GPSM2: variants seen among roughly 807,000 people sequenced by gnomAD.
GPSM2 encodes the protein G protein signaling modulator 2.
In GPSM2, 58 loss-of-function variants were observed where a neutral mutation model predicts 78.4. That is an observed-to-expected ratio of 0.74 (90% CI 0.60 to 0.92). GPSM2 has a LOEUF of 0.92. Among genes scored for constraint, GPSM2 ranks in the 40% least tolerant of loss-of-function variants. GPSM2 has a pLI of 0.00. For synonymous variants in GPSM2, 224 were observed against 280.2 expected, an observed-to-expected ratio of 0.80 and a Z score of 2.00; for missense variants, 700 against 815.5, an observed-to-expected ratio of 0.86 and a Z score of 1.73.
At chr1:108,918,289 C>T (rs529093788) in intron 11 of GPSM2, among the ~76,000 whole-genome samples, 7 of 152,224 alleles carry the variant, frequency 4.6e-5, no homozygotes, top group South Asian at 2.1e-4. Flanking sequence ...AAGTAACTCA[C>T]GTCTAGAGTA....
intron 9 of GPSM2, 74 bp from the exon 10 acceptor site, chr1:108,904,051 A>G (rs1557866255): frequency 2.0e-6 from 2 of 996,876 alleles, no homozygotes; most frequent in African/African-American, 3.2e-5. Context: ...TTTTAGGTTC[A>G]CTACATTTAC....
At chr1:108,880,666 T>A (rs1482590783) in intron 1 of GPSM2, among the ~76,000 whole-genome samples, 1 of 152,214 alleles carries the variant, frequency 6.6e-6, no homozygotes. Flanking sequence ...ATGTATTAAT[T>A]GATTGAAGCT....
Position 108,914,529 on chromosome 1 carries a change from C to T in GPSM2, c.1263+121C>T, listed in dbSNP as rs11102642. On this transcript the variant is annotated intron_variant, in intron 11 of 14. Coordinates refer to ENST00000264126, the MANE Select transcript of GPSM2 (RefSeq NM_013296.5). ...TATATAGGTATCACTTTAAAATTTG[C>T]CTGTAAAAAAAAAGTCAGAAAAAGT... is the stretch of plus-strand genomic sequence containing the variant. 0.23 allele frequency: 165,645 copies of T among 725,434 alleles called. 20,923 individuals carry two copies. Among genetic ancestry groups the T allele is most frequent in the East Asian group, 0.37 (13,154 of 35,678 alleles). 44.9% of individuals were successfully genotyped at this position (725,434 alleles called of 1,614,324 possible).
intron 14 of GPSM2, 169 bp from the exon 15 acceptor site, chr1:108,929,531 AG>A (rs1651520589): frequency 3.0e-6 from 2 of 658,638 alleles, no homozygotes; most frequent in Non-Finnish European, 5.3e-6. Context: ...TATTTCTTTC[AG>A]AAATCAGGCT....
intron 13 of GPSM2, among the ~76,000 whole-genome samples, 176 bp downstream of exon 13, chr1:108,922,752 A>G (rs1443868376): frequency 2.6e-5 from 4 of 152,100 alleles, no homozygotes; most frequent in Admixed American, 6.6e-5. Flanking sequence ...TCCCTTACGT[A>G]TATCTGTGTT....
chr1:108,904,435 A>C (rs910895530), intron 10 of GPSM2, among the ~76,000 whole-genome samples, 181 bp downstream of exon 10: 1 of 148,142 alleles, frequency 6.8e-6, no homozygotes, highest in African/African-American at 2.4e-5. Flanking sequence ...TTTTGTATAT[A>C]ATATATATAT....
chr1:108,913,122 C>G (rs926919789), intron 10 of GPSM2, among the ~76,000 whole-genome samples: 3 of 152,104 alleles, frequency 2.0e-5, no homozygotes, highest in Admixed American at 6.6e-5. Flanking sequence ...CCCTGAAGTA[C>G]AATCCAGCAA....
chr1:108,886,701 G>T (rs1426026396), intron 2 of GPSM2, among the ~76,000 whole-genome samples: 1 of 152,158 alleles, frequency 6.6e-6, no homozygotes, highest in African/African-American at 2.4e-5. Flanking sequence ...TGTTGGTGGG[G>T]GTGGATGCTT....
intron 1 of GPSM2, among the ~76,000 whole-genome samples, chr1:108,878,168 C>CA (rs1183572143): frequency 1.3e-5 from 2 of 152,122 alleles, no homozygotes; most frequent in Non-Finnish European, 2.9e-5. Context: ...ATTGGGTTCT[C>CA]ACTATTCAGG....
At chr1:108,908,685 G>A (rs192938946) in intron 10 of GPSM2, among the ~76,000 whole-genome samples, 4 of 119,718 alleles carry the variant, frequency 3.3e-5, no homozygotes, top group Admixed American at 7.6e-5. Flanking sequence ...ACACGTGCGC[G>A]CACACACACA....
At chr1:108,891,664 A>AG (rs1647978504) in intron 2 of GPSM2, among the ~76,000 whole-genome samples, 1 of 117,208 alleles carries the variant, frequency 8.5e-6, no homozygotes, top group East Asian at 2.3e-4. Flanking sequence ...CAGCCAGCTA[A>AG]TTTTTTTTTT....
In GPSM2 at chr1:108,877,147, G is replaced by A. The variant is rs919408328; in HGVS notation, c.-330G>A. 1.3e-5 allele frequency: 2 copies of A among 152,178 alleles called. No homozygotes were observed. Among genetic ancestry groups the A allele is most frequent in the African/African-American group, 4.8e-5 (2 of 41,440 alleles). The allele number at this position is 152,178 out of a possible 1,614,324, so 9.4% of individuals were successfully genotyped here. A position where few individuals can be genotyped will look rare whatever the true frequency, so the allele number is the denominator to read the frequency against. ...CCTGCGGTGCCCCTGCCTTGGGGAG[G>A]GGCCGTGACCACCCGTCTGTCGCCC... On this transcript the variant is annotated 5_prime_UTR_variant, in exon 1 of 15. Coordinates refer to ENST00000264126, the MANE Select transcript of GPSM2 (RefSeq NM_013296.5).
Position 108,932,298 on chromosome 1 carries a change from C to T in GPSM2, c.*2358C>T, listed in dbSNP as rs1463529185. On this transcript the variant is annotated 3_prime_UTR_variant, in exon 15 of 15. Transcript: ENST00000264126. ...AAAAAGTAAAATTTCAAAAAAGCTT[C>T]ACAATATAAACCTTAATTTTAATGA... 6.6e-6 allele frequency: 1 copy of T among 152,078 alleles called. No homozygotes were observed. Among genetic ancestry groups the T allele is most frequent in the Admixed American group, 6.6e-5 (1 of 15,256 alleles). 9.4% of individuals were successfully genotyped at this position (152,078 alleles called of 1,614,324 possible). A position where few individuals can be genotyped will look rare whatever the true frequency, so the allele number is the denominator to read the frequency against.
rs547174058 is a variant in GPSM2, at chr1:108,925,044, T to C, written c.1815+830T>C. On this transcript the variant is annotated intron_variant, in intron 14 of 14. Coordinates refer to ENST00000264126, the MANE Select transcript of GPSM2 (RefSeq NM_013296.5). ...GTTAGCATAGGGCTACATTATTAGC[T>C]ATTATATCAGTTATATATTATGGTT... 1.0e-3 allele frequency among the ~76,000 whole-genome samples: 158 copies of C among 152,360 alleles called. 1 individual carries two copies. The highest frequency in any genetic ancestry group is 6.8e-3 in the Middle Eastern group (2 of 294).
At chr1:108,927,007 A>T (rs1171182519) in intron 14 of GPSM2, 1 of 152,250 alleles carries the variant, frequency 6.6e-6, no homozygotes, top group African/African-American at 2.4e-5. Context: ...TTGTGTGTTT[A>T]TACACTAACA....
At position 108,903,112 on chromosome 1, in the gene GPSM2, G is replaced by A. The variant is rs747429100; in HGVS notation, c.954-14G>A. 5 of 1,501,228 alleles carry A rather than the reference G, an allele frequency of 3.3e-6. No individual in the cohort carries two copies. In the South Asian group the frequency reaches 5.6e-5, roughly 17 times the overall value. The allele number at this position is 1,501,228 out of a possible 1,614,324, so 93.0% of individuals were successfully genotyped here. ...TTTCAAATAACTGCATGTTCGCTTTGAATAACGTTTTAGAATTGGTGAAGG... is the reference window on the plus strand; with the variant it reads ...TTTCAAATAACTGCATGTTCGCTTTAAATAACGTTTTAGAATTGGTGAAGG... On this transcript the variant is annotated splice_polypyrimidine_tract_variant and intron_variant, in intron 8 of 14. Transcript: ENST00000264126.
Position 108,922,417 on chromosome 1 carries a change from A to G in GPSM2, c.1441A>G (p.Lys481Glu). Residue 481 changes from lysine (K) to glutamate (E), a missense_variant and splice_region_variant, in exon 13 of 15, where the codon AAA (lysine) becomes GAA (glutamate). Physicochemically the swap from Lys to Glu is moderately conservative, Grantham distance 56 (BLOSUM62 1). Transcript: ENST00000264126. ...IDHRIPNSQR[K>E]ISADTIGDEG... ...ACTAGACTTCCTCTCAATATTTTAG[A>G]AAATCAGTGCAGATACTATTGGAGA... 2 of 1,605,788 alleles carry G rather than the reference A, an allele frequency of 1.2e-6. No individual in the cohort carries two copies. The highest frequency in any genetic ancestry group is 1.7e-6 in the Non-Finnish European group (2 of 1,172,526).
At chr1:108,887,736 G>T (rs1446185462) in intron 2 of GPSM2, among the ~76,000 whole-genome samples, 1 of 152,200 alleles carries the variant, frequency 6.6e-6, no homozygotes, top group Non-Finnish European at 1.5e-5. Flanking sequence ...CATGCACCCA[G>T]TGACAGTCTG....
At chr1:108,904,334 T>C (rs1393484190) in intron 10 of GPSM2, 80 bp downstream of exon 10, 2 of 892,400 alleles carry the variant, frequency 2.2e-6, no homozygotes, top group Admixed American at 1.8e-5. Flanking sequence ...ATTTGGCATA[T>C]TCAGAGAGAA....
Sources: gnomAD v4.1 joint callset for allele counts (sites outside exome capture counted in the v4.1 genomes callset) on GRCh38, gnomAD v4.1.1 for gene constraint, MANE v1.5 for transcripts, NCBI Gene and HGNC (gene_info 2026-07-23, HGNC 2026-07-21) for gene names.